Variants in PTPRH observed in about 807,000 individuals in gnomAD.
PTPRH encodes the protein receptor-type tyrosine-protein phosphatase H.
A neutral mutation model predicts 130.2 loss-of-function variants in PTPRH; 113 were observed. That is an observed-to-expected ratio of 0.87 (90% CI 0.75 to 1.01). The LOEUF (loss-of-function observed/expected upper bound fraction) is 1.01. Among genes scored for constraint, PTPRH ranks in the 50% least tolerant of loss-of-function variants. The probability of loss-of-function intolerance (pLI) is 0.00; values close to 1 mark genes in which losing one functional copy is unlikely to be tolerated. For synonymous variants in PTPRH, 556 were observed against 577.9 expected (o/e 0.96, Z 0.54); for missense variants, 1,430 against 1,425.0 (o/e 1.00, Z -0.06).
chr19:55,208,946 G>C (rs1600090700), intron 1 of PTPRH, among the ~76,000 whole-genome samples: 1 of 126,530 alleles, frequency 7.9e-6, no homozygotes, highest in Admixed American at 7.7e-5. Flanking sequence ...CTGGACTCCT[G>C]GGTCTGAGGG....
rs531764004 is a variant in PTPRH at position 55,207,345 on chromosome 19, C to G, written c.52-146G>C. The G allele has an allele frequency of 5.1e-6, 4 of 788,122 alleles. No individual in the cohort carries two copies. The South Asian group carries it at 5.5e-5, about 11-fold the overall frequency. 48.8% of individuals were successfully genotyped at this position (788,122 alleles called of 1,614,324 possible). A position where few individuals can be genotyped will look rare whatever the true frequency, so the allele number is the denominator to read the frequency against. On this transcript the variant is annotated intron_variant, in intron 1 of 19. Transcript: ENST00000376350. ...GGGCCGGTGTTAGGCTGGGCTGTCA[C>G]GACCTCGACCGTCTTTCCTGGGTCG...
chr19:55,191,131 C>T (rs1053513463), intron 12 of PTPRH, among the ~76,000 whole-genome samples: 2 of 152,122 alleles, frequency 1.3e-5, no homozygotes, highest in East Asian at 1.9e-4. Context: ...CATGAGCCAC[C>T]GCACCCAGCA....
chr19:55,185,795 G>T, intron 17 of PTPRH, 67 bp downstream of exon 17: 1 of 1,609,052 alleles, frequency 6.2e-7, no homozygotes, highest in Admixed American at 1.7e-5. Context: ...GTTGGTGGAG[G>T]GTCCTGGATG....
intron 6 of PTPRH, 43 bp downstream of exon 6, chr19:55,202,013 C>G (rs775141026): frequency 6.2e-7 from 1 of 1,605,996 alleles, no homozygotes; most frequent in Non-Finnish European, 8.5e-7. Context: ...CTTACTGTCC[C>G]TTAAACAAAT....
Position 55,206,328 on chromosome 19 carries a change from CT to C in PTPRH, c.352+360del, listed in dbSNP as rs571836867. On this transcript the variant is annotated intron_variant, in intron 3 of 19. Coordinates refer to ENST00000376350, the MANE Select transcript of PTPRH (RefSeq NM_002842.5). ...CTTTTGTTTTCTTTTGTTTTCTTTT[CT>C]TTTTTTTTTTTTGAGACAGGGTTTC... is the stretch of plus-strand genomic sequence containing the variant. Among the ~76,000 whole-genome samples, 499 of 134,038 alleles carry C rather than the reference CT, an allele frequency of 3.7e-3. 3 individuals carry two copies. Among genetic ancestry groups the C allele is most frequent in the African/African-American group, 7.4e-3 (266 of 36,174 alleles). The allele number at this position is 134,038 out of a possible 152,430, so 87.9% of individuals were successfully genotyped here.
intron 18 of PTPRH, among the ~76,000 whole-genome samples, chr19:55,182,642 C>A (rs752273437): frequency 6.0e-5 from 9 of 149,982 alleles, no homozygotes; most frequent in Non-Finnish European, 8.8e-5. Context: ...GTCGGATGTA[C>A]TAGCTCCATT....
chr19:55,196,441 C>G (rs1172549022), intron 10 of PTPRH, 81 bp downstream of exon 10: 2 of 1,440,192 alleles, frequency 1.4e-6, no homozygotes, highest in Non-Finnish European at 1.9e-6. Context: ...AAAAGAGTCC[C>G]ACTGATTTCC....
At position 55,205,330 on chromosome 19, in the gene PTPRH, G is replaced by A; in HGVS notation, c.615C>T (p.Thr205=). Residue 205 remains threonine, a synonymous_variant, in exon 4 of 20, where the codon ACC becomes ACT. Coordinates refer to ENST00000376350, the MANE Select transcript of PTPRH (RefSeq NM_002842.5). Reference sequence around the variant, plus strand: ...CAAATGGCGACTGCCTCTCACCTGTGGTGGCATTTCGAGTCTCCCGGGAGC... The same window carrying A: ...CAAATGGCGACTGCCTCTCACCTGTAGTGGCATTTCGAGTCTCCCGGGAGC... ...INSSRETRNA[T]TAHNPVRNLR... The A allele has an allele frequency of 1.2e-6, 2 of 1,614,206 alleles. No homozygotes were observed. The highest frequency in any genetic ancestry group is 8.5e-7 in the Non-Finnish European group (1 of 1,180,024).
chr19:55,184,654 G>T (rs1286256268), intron 18 of PTPRH, among the ~76,000 whole-genome samples: 1 of 151,764 alleles, frequency 6.6e-6, no homozygotes, highest in African/African-American at 2.4e-5. Flanking sequence ...GGGTGTGGTG[G>T]TGAGCAGCTG....
At chr19:55,183,365 C>G (rs768947377) in intron 18 of PTPRH, among the ~76,000 whole-genome samples, 3 of 151,204 alleles carry the variant, frequency 2.0e-5, no homozygotes, top group Non-Finnish European at 4.4e-5. Flanking sequence ...GATCACATCA[C>G]TGCACTCCCA....
Position 55,186,489 on chromosome 19 carries a change from T to C in PTPRH, c.2618A>G (p.Asp873Gly). The C allele has an allele frequency of 6.4e-7, 1 of 1,563,664 alleles. No homozygotes were observed. Among genetic ancestry groups the C allele is most frequent in the South Asian group, 1.1e-5 (1 of 89,088 alleles). The part of the protein sequence containing the change: ...LKPIHEEPGS[D>G]YINASFMPGL... The stretch of plus-strand genomic sequence containing the variant: ...GGGCATGAAGCTGGCATTGATGTAG[T>C]CAGAGCCTGGCTCCTCATGGATGGG... The change falls in exon 15 of 20, where the codon GAC (aspartate) becomes GGC (glycine). Residue 873 changes from aspartate to glycine, a missense_variant. Asp to Gly is a moderately conservative substitution (Grantham distance 94). Transcript: ENST00000376350.
Position 55,194,233 on chromosome 19 carries a change from A to G in PTPRH, c.2257+2289T>C, listed in dbSNP as rs140301358. On this transcript the variant is annotated intron_variant, in intron 10 of 19. Coordinates refer to ENST00000376350, the MANE Select transcript of PTPRH (RefSeq NM_002842.5). Reference sequence around the variant, plus strand: ...GTCATTAGATGTCTCGTCTTAGGGTAGGCTCAAGCCTATGGCCCATCTTCA... The same window carrying G: ...GTCATTAGATGTCTCGTCTTAGGGTGGGCTCAAGCCTATGGCCCATCTTCA... 100 of 1,289,760 alleles carry G rather than the reference A, an allele frequency of 7.8e-5. 1 individual carries two copies. In the Middle Eastern group the frequency reaches 9.2e-3, roughly 119 times the overall value. 79.9% of individuals were successfully genotyped at this position (1,289,760 alleles called of 1,614,324 possible).
At chr19:55,194,768 C>G (rs902649228) in intron 10 of PTPRH, among the ~76,000 whole-genome samples, 1 of 152,112 alleles carries the variant, frequency 6.6e-6, no homozygotes, top group Non-Finnish European at 1.5e-5. Flanking sequence ...TGGGTATAGA[C>G]CCAAGAGAAA....
intron 10 of PTPRH, among the ~76,000 whole-genome samples, chr19:55,195,662 C>T (rs933337126): frequency 2.0e-5 from 3 of 152,194 alleles, no homozygotes; most frequent in Non-Finnish European, 2.9e-5. Context: ...CAGTCTCAAC[C>T]TCCTGGGCTC....
At chr19:55,207,479 C>G (rs1568932039) in intron 1 of PTPRH, among the ~76,000 whole-genome samples, 2 of 152,140 alleles carry the variant, frequency 1.3e-5, no homozygotes, top group Non-Finnish European at 2.9e-5. Flanking sequence ...AAATATATGT[C>G]CTTGGAAAAC....
rs1200052312 is a variant in PTPRH, at chr19:55,209,294, T to C, written c.51+89A>G. On this transcript the variant is annotated intron_variant, in intron 1 of 19. Coordinates refer to ENST00000376350, the MANE Select transcript of PTPRH (RefSeq NM_002842.5). The surrounding 1 kb of genome is among the most constrained non-coding windows in gnomAD (Gnocchi z 4.1). ...CAGGGGATCTTCAGCACCTACTTCC[T>C]CAAGATCGAGGTGCAGGCACCCAGC... 2 of 1,161,932 alleles carry C rather than the reference T, an allele frequency of 1.7e-6. No homozygotes were observed. The highest frequency in any genetic ancestry group is 2.5e-6 in the Non-Finnish European group (2 of 791,630). 72.0% of individuals were successfully genotyped at this position (1,161,932 alleles called of 1,614,324 possible). A position where few individuals can be genotyped will look rare whatever the true frequency, so the allele number is the denominator to read the frequency against.
intron 5 of PTPRH, among the ~76,000 whole-genome samples, 157 bp from the exon 6 acceptor site, chr19:55,202,479 C>T (rs998516474): frequency 7.9e-5 from 12 of 152,064 alleles, no homozygotes; most frequent in African/African-American, 2.2e-4. Context: ...TGTTGAGCAC[C>T]GTGAGGTGGC....
At chr19:55,187,205 C>A (rs1408006790) in intron 14 of PTPRH, among the ~76,000 whole-genome samples, 2 of 149,588 alleles carry the variant, frequency 1.3e-5, no homozygotes, top group African/African-American at 4.9e-5. Context: ...ATTAGCCGGG[C>A]GAGGTGGCGG....
chr19:55,206,211 C>G (rs975718450), intron 3 of PTPRH, among the ~76,000 whole-genome samples: 1 of 149,466 alleles, frequency 6.7e-6, no homozygotes, highest in African/African-American at 2.5e-5. Flanking sequence ...CCAACCTGGG[C>G]GACAGAGCAA....
Sources: gnomAD v4.1 joint callset for allele counts (sites outside exome capture counted in the v4.1 genomes callset) on GRCh38, gnomAD v4.1.1 for gene constraint, Gnocchi (gnomAD v3.1) non-coding constraint, MANE v1.5 for transcripts, NCBI Gene and HGNC (gene_info 2026-07-23, HGNC 2026-07-21) for gene names.